The following LRPPRC variants were observed in gnomAD, a reference collection of about 807,000 sequenced individuals.
LRPPRC encodes leucine-rich PPR motif-containing protein, mitochondrial.
Under a neutral mutation model 180.3 loss-of-function variants are expected in LRPPRC, and 120 were observed. The ratio of observed to expected loss-of-function variants is 0.67; its 90% CI spans 0.57 to 0.77. The LOEUF (loss-of-function observed/expected upper bound fraction) is 0.77. Among genes scored for constraint, LRPPRC ranks in the 30% least tolerant of loss-of-function variants. The probability of loss-of-function intolerance (pLI) is 0.00; values close to 1 mark genes in which losing one functional copy is unlikely to be tolerated. For missense variants in LRPPRC, 2,012 were observed against 1,657.2 expected, an observed-to-expected ratio of 1.21 and a Z score of -3.72; for synonymous variants, 723 against 600.0, an observed-to-expected ratio of 1.21 and a Z score of -3.00.
chr2:43,925,447 G>A (rs991003901), intron 26 of LRPPRC, among the ~76,000 whole-genome samples: 1 of 152,166 alleles, frequency 6.6e-6, no homozygotes, highest in African/African-American at 2.4e-5. Flanking sequence ...GTATCTGGGT[G>A]GGAGAACTCA....
In LRPPRC at chr2:43,949,585, C is replaced by T. The variant is rs11684907; in HGVS notation, c.1735+17G>A. On this transcript the variant is annotated intron_variant, in intron 16 of 37. Transcript: ENST00000260665. ...GGATTTGTGGATAAGTTACAATCAT[C>T]GAAATTGAAACGCTACCCGTCGGTC... is the stretch of plus-strand genomic sequence containing the variant. 4.4e-6 allele frequency: 7 copies of T among 1,605,708 alleles called. No homozygotes were observed. In the East Asian group the frequency reaches 6.7e-5, roughly 15 times the overall value.
At chr2:43,976,868 T>C (rs1674080265) in intron 5 of LRPPRC, 126 bp downstream of exon 5, 6 of 730,890 alleles carry the variant, frequency 8.2e-6, no homozygotes, top group African/African-American at 1.8e-5. Context: ...CCAGATTTTC[T>C]AGATTAAAAC....
intron 5 of LRPPRC, among the ~76,000 whole-genome samples, chr2:43,976,607 T>G (rs1471654058): frequency 6.6e-6 from 1 of 152,010 alleles, no homozygotes; most frequent in East Asian, 1.9e-4. Context: ...GTAATAAATT[T>G]TACATAAGCA....
chr2:43,924,267 T>A lies in LRPPRC; in HGVS notation c.2896+800A>T, dbSNP rs1222939902. ...CTGGCTGTTCTAAGTGTTATTCCTCTCTACCGAAATATCCTAAAAGAAACT... is the reference window on the plus strand; with the variant it reads ...CTGGCTGTTCTAAGTGTTATTCCTCACTACCGAAATATCCTAAAAGAAACT... On this transcript the variant is annotated intron_variant, in intron 27 of 37. Transcript: ENST00000260665. Among the ~76,000 whole-genome samples the A allele has an allele frequency of 2.6e-5, 4 of 152,198 alleles. No individual in the cohort carries two copies. In the South Asian group the frequency reaches 8.3e-4, roughly 31 times the overall value.
intron 30 of LRPPRC, among the ~76,000 whole-genome samples, chr2:43,911,204 GAC>G (rs1460575035): frequency 1.3e-5 from 2 of 150,974 alleles, no homozygotes; most frequent in Non-Finnish European, 2.9e-5. Flanking sequence ...ACACACAAAT[GAC>G]ACACAGAGTA....
At chr2:43,891,983 T>C (rs1383707152) in intron 36 of LRPPRC, among the ~76,000 whole-genome samples, 1 of 152,188 alleles carries the variant, frequency 6.6e-6, no homozygotes, top group Non-Finnish European at 1.5e-5. Context: ...TTGGTCCGGA[T>C]AGAAGATCAA....
At chr2:43,922,198 T>TA (rs1156335079) in intron 27 of LRPPRC, among the ~76,000 whole-genome samples, 1 of 152,224 alleles carries the variant, frequency 6.6e-6, no homozygotes, top group Non-Finnish European at 1.5e-5. Context: ...CAGATCATGT[T>TA]ATATTGAGTC....
intron 23 of LRPPRC, among the ~76,000 whole-genome samples, chr2:43,935,327 T>A (rs560188017): frequency 2.4e-4 from 37 of 152,338 alleles, no homozygotes; most frequent in African/African-American, 8.9e-4. Flanking sequence ...CGTTATTAAA[T>A]GTCCACCAAT....
chr2:43,983,139 G>A (rs1399046546), intron 1 of LRPPRC, among the ~76,000 whole-genome samples: 1 of 152,028 alleles, frequency 6.6e-6, no homozygotes, highest in Non-Finnish European at 1.5e-5. Context: ...AGCCAGAATG[G>A]AAAGAAAAAT....
At chr2:43,927,075 T>C (rs1200172690) in intron 25 of LRPPRC, among the ~76,000 whole-genome samples, 1 of 152,188 alleles carries the variant, frequency 6.6e-6, no homozygotes, top group African/African-American at 2.4e-5. Context: ...TTCCAAGGAT[T>C]TGTCACTCTA....
chr2:43,916,533 C>CATT (rs2105021641), intron 29 of LRPPRC, among the ~76,000 whole-genome samples: 2 of 152,304 alleles, frequency 1.3e-5, no homozygotes, highest in South Asian at 4.1e-4. Context: ...ATGCCTTAAT[C>CATT]ATTTTTTGCT....
At chr2:43,989,972 G>C (rs1674698612) in intron 1 of LRPPRC, among the ~76,000 whole-genome samples, 1 of 152,172 alleles carries the variant, frequency 6.6e-6, no homozygotes, top group South Asian at 2.1e-4. Context: ...CCAGCACTTT[G>C]GGAGGCTGAG....
chr2:43,976,271 A>C, intron 5 of LRPPRC, 42 bp from the exon 6 acceptor site: 1 of 1,076,628 alleles, frequency 9.3e-7, no homozygotes. Flanking sequence ...AGTATTTATA[A>C]GAACACTCTT....
chr2:43,891,321 T>G (rs556593796), intron 36 of LRPPRC, among the ~76,000 whole-genome samples: 16 of 152,364 alleles, frequency 1.1e-4, no homozygotes, highest in Non-Finnish European at 2.2e-4. Flanking sequence ...TATTTCACAT[T>G]ACAGGCATAC....
chr2:43,910,742 G>A (rs1014878137), intron 30 of LRPPRC, among the ~76,000 whole-genome samples: 4 of 152,132 alleles, frequency 2.6e-5, no homozygotes, highest in African/African-American at 7.2e-5. Flanking sequence ...CAGAATCTTT[G>A]TGGTGAGCTG....
chr2:43,966,598 C>T (rs988040208), intron 11 of LRPPRC, among the ~76,000 whole-genome samples: 4 of 151,348 alleles, frequency 2.6e-5, no homozygotes, highest in African/African-American at 4.8e-5. Context: ...TTACCAGAGA[C>T]GGGGTTTCAT....
chr2:43,924,733 A>G (rs1558949033), intron 27 of LRPPRC, among the ~76,000 whole-genome samples: 1 of 152,198 alleles, frequency 6.6e-6, no homozygotes, highest in African/African-American at 2.4e-5. Context: ...CCTATTTATA[A>G]AAGTCACCAA....
At chr2:43,901,295 G>C (rs976060898) in intron 32 of LRPPRC, 25 bp downstream of exon 32, 1 of 1,595,248 alleles carries the variant, frequency 6.3e-7, no homozygotes, top group Admixed American at 1.7e-5. Flanking sequence ...ACCAATGAAG[G>C]AAAAGAAGGC....
chr2:43,954,028 T>G (rs1039376448), intron 14 of LRPPRC, among the ~76,000 whole-genome samples: 2 of 152,126 alleles, frequency 1.3e-5, no homozygotes, highest in Non-Finnish European at 2.9e-5. Context: ...AAAAACTCAG[T>G]AACTTTTCCA....
Sources: gnomAD v4.1 joint callset for allele counts (sites outside exome capture counted in the v4.1 genomes callset) on GRCh38, gnomAD v4.1.1 for gene constraint, MANE v1.5 for transcripts, NCBI Gene and HGNC (gene_info 2026-07-23, HGNC 2026-07-21) for gene names.